RTTN: variants seen among roughly 807,000 people sequenced by gnomAD.
RTTN encodes rotatin.
Under a neutral mutation model 269.2 loss-of-function variants are expected in RTTN, and 182 were observed. The observed-to-expected ratio is 0.68, with a 90% CI of 0.60 to 0.76. The LOEUF (loss-of-function observed/expected upper bound fraction) is 0.76, where lower values mean the gene tolerates loss of function less well. RTTN is among the 30% of genes least tolerant of loss of function. The probability of loss-of-function intolerance (pLI) is 0.00; values close to 1 mark genes in which losing one functional copy is unlikely to be tolerated. For synonymous variants in RTTN, 1,006 were observed against 963.5 expected (o/e 1.04, Z -0.82); for missense variants, 2,545 against 2,608.6 (o/e 0.98, Z 0.53).
rs1298775311 is a variant in RTTN at position 70,092,092 on chromosome 18, A to T, written c.4143+18T>A. 1 of 1,511,522 alleles carries T rather than the reference A, an allele frequency of 6.6e-7. No homozygotes were observed. Among genetic ancestry groups the T allele is most frequent in the Non-Finnish European group, 9.2e-7 (1 of 1,088,012 alleles). The allele number at this position is 1,511,522 out of a possible 1,614,324, so 93.6% of individuals were successfully genotyped here. A position where few individuals can be genotyped will look rare whatever the true frequency, so the allele number is the denominator to read the frequency against. ...TTTTAATCTAAACACAATACACTTG[A>T]TTCTCCTTCACACTCACCTCTGGGT... On this transcript the variant is annotated intron_variant, in intron 30 of 48. Coordinates refer to ENST00000640769, the MANE Select transcript of RTTN (RefSeq NM_173630.4).
intron 32 of RTTN, among the ~76,000 whole-genome samples, chr18:70,078,558 T>A (rs1168692920): frequency 1.3e-5 from 2 of 151,888 alleles, no homozygotes; most frequent in South Asian, 2.1e-4. Context: ...ATTTTTAAAT[T>A]ATATTTTTAT....
rs964067092 is a variant in RTTN at position 70,193,443 on chromosome 18, G to A, written c.852C>T (p.Ser284=). ...GFFSNKHDTV[S]QNSSLSYCHE... The stretch of plus-strand genomic sequence containing the variant: ...GACAATAAGACAAAGAAGAATTTTG[G>A]GAAACTGTGTCTGGGGAAACAAAGA... The change falls in exon 8 of 49, where the codon TCC becomes TCT. Residue 284 remains serine (S), a synonymous_variant. Transcript: ENST00000640769. The A allele has an allele frequency of 2.0e-6, 3 of 1,518,842 alleles. No individual in the cohort carries two copies. The highest frequency in any genetic ancestry group is 2.6e-6 in the Non-Finnish European group (3 of 1,135,114). The allele number at this position is 1,518,842 out of a possible 1,614,324, so 94.1% of individuals were successfully genotyped here.
rs2059899556 is a variant in RTTN at position 70,127,643 on chromosome 18, TGAA to T, written c.3239_3241del (p.Val1080_Gln1081delinsGlu). 11 of 1,613,424 alleles carry T rather than the reference TGAA, an allele frequency of 6.8e-6. No individual in the cohort carries two copies. Among genetic ancestry groups the T allele is most frequent in the South Asian group, 4.4e-5 (4 of 91,070 alleles). On this transcript the variant is annotated inframe_deletion, in exon 25 of 49. Transcript: ENST00000640769. ...CCTAACTTCCCTGTGGGTTGCAGCC[TGAA>T]CAATGGAATGGAGGCAGTCCTGCAG...
At chr18:70,132,862 A>T (rs1022641532) in intron 23 of RTTN, among the ~76,000 whole-genome samples, 3 of 152,148 alleles carry the variant, frequency 2.0e-5, no homozygotes, top group Non-Finnish European at 4.4e-5. Flanking sequence ...TACTGTGAGT[A>T]AAAGAGTAAT....
chr18:70,032,106 T>C (rs8086022), intron 40 of RTTN, among the ~76,000 whole-genome samples: 129,171 of 152,188 alleles, frequency 0.85, 57,531 homozygotes, highest in East Asian at 1. Context: ...TAGCGGAGCA[T>C]GGCCAAGGAT....
chr18:70,141,540 G>A (rs560203977), intron 19 of RTTN, among the ~76,000 whole-genome samples: 27 of 152,172 alleles, frequency 1.8e-4, no homozygotes, highest in African/African-American at 5.8e-4. Context: ...ACCAAACACC[G>A]CATGTTCTCA....
intron 43 of RTTN, among the ~76,000 whole-genome samples, chr18:70,027,234 C>G (rs768565611): frequency 6.6e-6 from 1 of 152,164 alleles, no homozygotes; most frequent in Non-Finnish European, 1.5e-5. Flanking sequence ...CATATGCAAA[C>G]AGCAGGGTGG....
chr18:70,034,750 A>G (rs2057120160), intron 40 of RTTN, among the ~76,000 whole-genome samples: 1 of 152,204 alleles, frequency 6.6e-6, no homozygotes, highest in South Asian at 2.1e-4. Context: ...AGAGGAAGTC[A>G]AATTATCCCT....
intron 26 of RTTN, among the ~76,000 whole-genome samples, chr18:70,116,854 G>A (rs1404425744): frequency 6.6e-6 from 1 of 152,016 alleles, no homozygotes; most frequent in Non-Finnish European, 1.5e-5. Context: ...ATGCTGTGTA[G>A]TTCTGCTGAG....
At chr18:70,028,624 G>A (rs1294420936) in intron 43 of RTTN, 100 bp downstream of exon 43, 4 of 654,414 alleles carry the variant, frequency 6.1e-6, no homozygotes, top group Non-Finnish European at 1.0e-5. Context: ...AAATTTAAAA[G>A]TCAGAGCTTT....
chr18:70,166,933 G>A lies in RTTN; in HGVS notation c.1788C>T (p.Ser596=), dbSNP rs1312987054. Residue 596 remains serine (S), a synonymous_variant, in exon 13 of 49, where the codon AGC becomes AGT. Coordinates refer to ENST00000640769, the MANE Select transcript of RTTN (RefSeq NM_173630.4). The stretch of plus-strand genomic sequence containing the variant: ...GAAAATATTACATCTTTGAACAAAT[G>A]CTGATGATTTCCTTTATTAGCGGGA... The part of the protein sequence containing the change: ...QHFPLIKEII[S]ICSKIWKSAQ... 1 of 1,610,216 alleles carries A rather than the reference G, an allele frequency of 6.2e-7. No individual in the cohort carries two copies. Among genetic ancestry groups the A allele is most frequent in the East Asian group, 2.2e-5 (1 of 44,808 alleles).
At chr18:70,118,853 G>A (rs1257780138) in intron 26 of RTTN, among the ~76,000 whole-genome samples, 2 of 151,994 alleles carry the variant, frequency 1.3e-5, no homozygotes, top group African/African-American at 4.8e-5. Flanking sequence ...TATACCAACA[G>A]ATGCAGAAAA....
Position 70,197,724 on chromosome 18 carries a change from C to T in RTTN, c.593G>A (p.Ser198Asn). 1.3e-6 allele frequency: 2 copies of T among 1,599,856 alleles called. 1 individual carries two copies. The highest frequency in any genetic ancestry group is 2.2e-5 in the South Asian group (2 of 90,756). The change falls in exon 6 of 49, where the codon AGT becomes AAT. Residue 198 changes from serine (S) to asparagine (N), a missense_variant. Transcript: ENST00000640769. ...GGTGTTCCAGATTAAAGTGTGGTTA[C>T]TACTTCTTAAAGAGCTACAAAACAT... Reference protein sequence around the residue: ...LSSNESSLRSSNHTLIWNTCE... With the variant: ...LSSNESSLRSNNHTLIWNTCE...
chr18:70,179,611 G>A (rs1009313760), intron 10 of RTTN, among the ~76,000 whole-genome samples: 5 of 152,092 alleles, frequency 3.3e-5, no homozygotes, highest in African/African-American at 9.7e-5. Context: ...GAAAAGACCC[G>A]TCCTCACAGG....
At chr18:70,116,341 T>A (rs1029504388) in intron 26 of RTTN, among the ~76,000 whole-genome samples, 3 of 152,084 alleles carry the variant, frequency 2.0e-5, no homozygotes, top group Non-Finnish European at 4.4e-5. Flanking sequence ...TGAAACAGTA[T>A]GTGTATACCT....
At chr18:70,184,888 T>C (rs1435372877) in intron 10 of RTTN, among the ~76,000 whole-genome samples, 1 of 150,770 alleles carries the variant, frequency 6.6e-6, no homozygotes, top group Non-Finnish European at 1.5e-5. Flanking sequence ...GAGCGAGGAC[T>C]ACATATCAGA....
chr18:70,158,282 T>C (rs748436703), intron 14 of RTTN, among the ~76,000 whole-genome samples: 6 of 152,284 alleles, frequency 3.9e-5, no homozygotes, highest in African/African-American at 9.6e-5. Flanking sequence ...CCAGAAAAGA[T>C]TGGGGACCTA....
In RTTN at chr18:70,150,730, A is replaced by G. The variant is rs1269709747; in HGVS notation, c.1933T>C (p.Cys645Arg). The change falls in exon 15 of 49, where the codon TGT becomes CGT. Residue 645 changes from cysteine (C) to arginine (R), a missense_variant. Transcript: ENST00000640769. The part of the protein sequence containing the change: ...YHCCLEITKE[C>R]LGVHNVTKPV... ...TTAGTGACATTATGGACACCTAAAC[A>G]TTCCTGTAAAATAATATTAAAAAGT... 1.9e-6 allele frequency: 3 copies of G among 1,577,178 alleles called. No individual in the cohort carries two copies. Among genetic ancestry groups the G allele is most frequent in the African/African-American group, 2.7e-5 (2 of 73,368 alleles).
In RTTN at chr18:70,108,412, A is replaced by G. The variant is rs369292263; in HGVS notation, c.3903+1086T>C. Among the ~76,000 whole-genome samples, 35 of 152,340 alleles carry G rather than the reference A, an allele frequency of 2.3e-4. 1 individual carries two copies. The highest frequency in any genetic ancestry group is 6.5e-4 in the African/African-American group (27 of 41,586). ...ACACCAATGCAAATCAGCTATTCCAAAAAAGAAAGTTATATAAAGGAAAAG... is the reference window on the plus strand; with the variant it reads ...ACACCAATGCAAATCAGCTATTCCAGAAAAGAAAGTTATATAAAGGAAAAG... On this transcript the variant is annotated intron_variant, in intron 28 of 48. Coordinates refer to ENST00000640769, the MANE Select transcript of RTTN (RefSeq NM_173630.4).
Sources: gnomAD v4.1 joint callset for allele counts (sites outside exome capture counted in the v4.1 genomes callset) on GRCh38, gnomAD v4.1.1 for gene constraint, MANE v1.5 for transcripts, NCBI Gene and HGNC (gene_info 2026-07-23, HGNC 2026-07-21) for gene names.